Variants in ZFYVE26 observed in about 807,000 individuals in gnomAD.
ZFYVE26 encodes the protein zinc finger FYVE domain-containing protein 26.
Under a neutral mutation model 276.5 loss-of-function variants are expected in ZFYVE26, and 181 were observed. That is an observed-to-expected ratio of 0.65 (90% CI 0.58 to 0.74). The LOEUF (loss-of-function observed/expected upper bound fraction) is 0.74, where lower values mean the gene tolerates loss of function less well. Among genes scored for constraint, ZFYVE26 ranks in the 30% least tolerant of loss-of-function variants. The pLI, the probability that ZFYVE26 is intolerant of heterozygous loss-of-function variation, is 0.00. For missense variants in ZFYVE26, 2,821 were observed against 3,097.9 expected (o/e 0.91, Z 2.12); for synonymous variants, 1,129 against 1,203.1 (o/e 0.94, Z 1.27).
chr14:67,783,098 C>G lies in ZFYVE26; in HGVS notation c.4054G>C (p.Val1352Leu), dbSNP rs2039548535. 2 of 1,612,462 alleles carry G rather than the reference C, an allele frequency of 1.2e-6. No individual in the cohort carries two copies. Among genetic ancestry groups the G allele is most frequent in the Middle Eastern group, 3.3e-4 (2 of 6,054 alleles). The stretch of plus-strand genomic sequence containing the variant: ...AGAAGGCGCTCACACTCCCGGGCTA[C>G]CTGCTCTGCAGCCAGAGGCACCTCC... ...RREVPLAAEQ[V>L]ARECERLLEQ... The change falls in exon 21 of 42, where the codon GTA becomes CTA. Residue 1352 changes from valine (V) to leucine (L), a missense_variant. Coordinates refer to ENST00000347230, the MANE Select transcript of ZFYVE26 (RefSeq NM_015346.4).
chr14:67,776,049 G>A lies in ZFYVE26; in HGVS notation c.5032C>T (p.Pro1678Ser), dbSNP rs763479529. 9.9e-6 allele frequency: 16 copies of A among 1,614,246 alleles called. No individual in the cohort carries two copies. The South Asian group carries it at 1.6e-4, about 17-fold the overall frequency. ...RASYSHLSSN[P>S]LFMLEQLLMN... ...AGCAGCTGCTCCAGCATGAACAGGGGGTTAGAGGACAAGTGGGAATAGCTG... is the reference window on the plus strand; with the variant it reads ...AGCAGCTGCTCCAGCATGAACAGGGAGTTAGAGGACAAGTGGGAATAGCTG... The change falls in exon 26 of 42, where the codon CCC (proline) becomes TCC (serine). Residue 1678 changes from proline (P) to serine (S), a missense_variant. Transcript: ENST00000347230.
At chr14:67,805,751 G>A (rs574517034) in intron 6 of ZFYVE26, 133 bp from the exon 7 acceptor site, 3 of 1,068,876 alleles carry the variant, frequency 2.8e-6, no homozygotes, top group Middle Eastern at 2.1e-4. Flanking sequence ...GTGGTTGGCT[G>A]GGCGTAGTGG....
Position 67,748,227 on chromosome 14 carries a change from C to G in ZFYVE26, c.*209G>C, listed in dbSNP as rs755815597. 3.3e-6 allele frequency: 2 copies of G among 611,780 alleles called. No individual in the cohort carries two copies. Among genetic ancestry groups the G allele is most frequent in the Non-Finnish European group, 5.7e-6 (2 of 348,816 alleles). 37.9% of individuals were successfully genotyped at this position (611,780 alleles called of 1,614,324 possible). On this transcript the variant is annotated 3_prime_UTR_variant, in exon 42 of 42. Transcript: ENST00000347230. ...AACTGGCCATCTCCAGACAAACACA[C>G]ATAGATTCCACAATTTTAGAGAAAC...
Position 67,797,768 on chromosome 14 carries a change from AC to A in ZFYVE26, c.2249-14del, listed in dbSNP as rs1458003428. On this transcript the variant is annotated splice_polypyrimidine_tract_variant and intron_variant, in intron 11 of 41. Transcript: ENST00000347230. ...GAAGGTTGCTCCTCTGAAAGAGCAA[AC>A]CCAATGGGACAGAAAGGAGAGTGAT... The A allele has an allele frequency of 1.2e-6, 2 of 1,613,612 alleles. No individual in the cohort carries two copies. The highest frequency in any genetic ancestry group is 2.7e-5 in the African/African-American group (2 of 74,884).
In ZFYVE26 at chr14:67,735,237, C is replaced by G. The variant is rs1178291890; in HGVS notation, n.2680-5418G>C. ...TTCTCGTGGTGTTCAGGTGCTCCCACGAGACACAGCCTCCCTCAGCACTAC... is the reference window on the plus strand; with the variant it reads ...TTCTCGTGGTGTTCAGGTGCTCCCAGGAGACACAGCCTCCCTCAGCACTAC... On this transcript the variant is annotated intron_variant and non_coding_transcript_variant, in intron 13 of 14. Coordinates refer to the ZFYVE26 transcript ENST00000394455. The G allele has an allele frequency of 1.5e-5, 21 of 1,395,002 alleles. 1 individual carries two copies. Among genetic ancestry groups the G allele is most frequent in the Non-Finnish European group, 2.1e-5 (21 of 981,944 alleles). 86.4% of individuals were successfully genotyped at this position (1,395,002 alleles called of 1,614,324 possible).
Position 67,793,714 on chromosome 14 carries a change from C to G in ZFYVE26, c.2447G>C (p.Arg816Thr). The G allele has an allele frequency of 6.2e-7, 1 of 1,613,892 alleles. No homozygotes were observed. The highest frequency in any genetic ancestry group is 8.5e-7 in the Non-Finnish European group (1 of 1,179,890). ...TGAACTTTGAGGATGGGGGTGCAAT[C>G]TACTGTGCAGCTCATTCCGGCCAGA... ...AMSGRNELHS[R>T]LHPHPQSSLI... Residue 816 changes from arginine (R) to threonine (T), a missense_variant, in exon 14 of 42, where the codon AGA (arginine) becomes ACA (threonine). Coordinates refer to ENST00000347230, the MANE Select transcript of ZFYVE26 (RefSeq NM_015346.4).
At position 67,814,520 on chromosome 14, in the gene ZFYVE26, A is replaced by AAAACAAACAAAC. The variant is rs201267729; in HGVS notation, c.195-468_195-457dup. Among the ~76,000 whole-genome samples the AAAACAAACAAAC allele has an allele frequency of 9.2e-3, 1,389 of 151,114 alleles. 8 individuals carry two copies. Among genetic ancestry groups the AAAACAAACAAAC allele is most frequent in the Middle Eastern group, 0.014 (4 of 294 alleles). ...GGTGACAGAGCAAGACTCTGTCTCCAAAACAAACAAACAAACAAACAAACA... is the reference window on the plus strand; with the variant it reads ...GGTGACAGAGCAAGACTCTGTCTCCAAAACAAACAAACAAACAAACAAACAAACAAACAAACA... On this transcript the variant is annotated intron_variant, in intron 2 of 41. Coordinates refer to ENST00000347230, the MANE Select transcript of ZFYVE26 (RefSeq NM_015346.4).
chr14:67,767,830 G>A lies in ZFYVE26; in HGVS notation c.5664C>T (p.Ser1888=), dbSNP rs2140201479. The A allele has an allele frequency of 1.2e-6, 2 of 1,614,154 alleles. No individual in the cohort carries two copies. Among genetic ancestry groups the A allele is most frequent in the Non-Finnish European group, 1.7e-6 (2 of 1,180,020 alleles). ...EPSEKPEALD[S]SKNESPPYSF... ...AGTATGGAGGGCTTTCATTCTTGGA[G>A]CTGTCTAGAGCTGAGAAGAGAAATG... is the stretch of plus-strand genomic sequence containing the variant. Residue 1888 remains serine (S), a synonymous_variant, in exon 31 of 42, where the codon AGC becomes AGT. Transcript: ENST00000347230.
At chr14:67,751,316 C>T in intron 40 of ZFYVE26, 1 of 613,722 alleles carries the variant, frequency 1.6e-6, no homozygotes. Context: ...GGAATTTTAA[C>T]CTGCTTCATT....
At chr14:67,769,927 G>T in intron 28 of ZFYVE26, 197 bp from the exon 29 acceptor site, 1 of 695,488 alleles carries the variant, frequency 1.4e-6, no homozygotes, top group Non-Finnish European at 2.4e-6. Flanking sequence ...CAGCTGATGG[G>T]CAAAGGTGCG....
chr14:67,799,424 G>C (rs2040033797), intron 10 of ZFYVE26: 2 of 1,612,578 alleles, frequency 1.2e-6, no homozygotes, highest in Admixed American at 3.3e-5. Context: ...GGCCAAAGAA[G>C]CAGAAACGAG....
rs1352014313 is a variant in ZFYVE26, at chr14:67,746,813, C to T, written c.*1623G>A. 1.3e-5 allele frequency: 2 copies of T among 152,556 alleles called. No individual in the cohort carries two copies. The highest frequency in any genetic ancestry group is 2.1e-4 in the South Asian group (1 of 4,826). 9.5% of individuals were successfully genotyped at this position (152,556 alleles called of 1,614,324 possible). A position where few individuals can be genotyped will look rare whatever the true frequency, so the allele number is the denominator to read the frequency against. On this transcript the variant is annotated 3_prime_UTR_variant, in exon 42 of 42. Transcript: ENST00000347230. ...TGCAAAAAAGGCAGACTCAGAAGGGCAAGCAGACGCCAGAGAAGGACATTT... is the reference window on the plus strand; with the variant it reads ...TGCAAAAAAGGCAGACTCAGAAGGGTAAGCAGACGCCAGAGAAGGACATTT...
Position 67,798,437 on chromosome 14 carries a change from T to C in ZFYVE26, c.1825A>G (p.Ser609Gly). The C allele has an allele frequency of 6.2e-7, 1 of 1,614,012 alleles. No homozygotes were observed. The highest frequency in any genetic ancestry group is 2.2e-5 in the East Asian group (1 of 44,874). ...YAEDDDIEGK[S>G]PSGLRSPSES... The stretch of plus-strand genomic sequence containing the variant: ...GATGGGGACCTCAAACCTGAGGGGC[T>C]CTTCCCCTCAATGTCATCATCCTCA... The change falls in exon 11 of 42, where the codon AGC becomes GGC. Residue 609 changes from serine (S) to glycine (G), a missense_variant. Ser to Gly is a moderately conservative substitution (Grantham distance 56, BLOSUM62 0). Transcript: ENST00000347230.
chr14:67,785,795 A>T, intron 18 of ZFYVE26, 63 bp downstream of exon 18: 1 of 1,609,412 alleles, frequency 6.2e-7, no homozygotes, highest in Non-Finnish European at 8.5e-7. Flanking sequence ...GTGCTTCGTT[A>T]CTCTCAGCTG....
At chr14:67,808,613 T>C (rs975462705) in intron 4 of ZFYVE26, among the ~76,000 whole-genome samples, 1 of 152,010 alleles carries the variant, frequency 6.6e-6, no homozygotes, top group Non-Finnish European at 1.5e-5. Flanking sequence ...ATCATGCCTA[T>C]AGATGGTACT....
intron 27 of ZFYVE26, 84 bp downstream of exon 27, chr14:67,774,930 GCA>G (rs2039300672): frequency 4.3e-6 from 3 of 704,796 alleles, no homozygotes; most frequent in South Asian, 3.4e-5. Context: ...AAAAAAAGAA[GCA>G]AAAAAAAAAA....
rs973401484 is a variant in ZFYVE26, at chr14:67,747,157, A to C, written c.*1279T>G. 6.6e-6 allele frequency: 1 copy of C among 152,578 alleles called. No individual in the cohort carries two copies. The allele number at this position is 152,578 out of a possible 1,614,324, so 9.5% of individuals were successfully genotyped here. A position where few individuals can be genotyped will look rare whatever the true frequency, so the allele number is the denominator to read the frequency against. ...GCTTTCTTTAGGCCCCACATTTGCA[A>C]ATTGAAGTCACTGAGTATGACACAC... On this transcript the variant is annotated 3_prime_UTR_variant, in exon 42 of 42. Transcript: ENST00000347230.
At position 67,733,767 on chromosome 14, in the gene ZFYVE26, G is replaced by A. The variant is rs2140162517; in HGVS notation, n.2680-3948C>T. 1 of 1,613,294 alleles carries A rather than the reference G, an allele frequency of 6.2e-7. No individual in the cohort carries two copies. Among genetic ancestry groups the A allele is most frequent in the Non-Finnish European group, 8.5e-7 (1 of 1,179,440 alleles). On this transcript the variant is annotated intron_variant and non_coding_transcript_variant, in intron 13 of 14. Transcript: ENST00000394455. The stretch of plus-strand genomic sequence containing the variant: ...CCAGTGACTGCAAGAGGACCTGGGT[G>A]TCTCCAAGGGCCCGAAATAACAAAA...
Position 67,783,518 on chromosome 14 carries a change from C to A in ZFYVE26, c.3634G>T (p.Ala1212Ser). Residue 1212 changes from alanine to serine, a missense_variant, in exon 21 of 42, where the codon GCC (alanine) becomes TCC (serine). Ala to Ser is a moderately conservative substitution (Grantham distance 99, BLOSUM62 1). Coordinates refer to ENST00000347230, the MANE Select transcript of ZFYVE26 (RefSeq NM_015346.4). ...CTGAGATTCTCTTGGGCCAGAAGGGCTGCCAGTCTGGAAGGAGAGAAGCAG... is the reference window on the plus strand; with the variant it reads ...CTGAGATTCTCTTGGGCCAGAAGGGATGCCAGTCTGGAAGGAGAGAAGCAG... Reference protein sequence around the residue: ...ERQVPPERLAALLAQENLSLS... With the variant: ...ERQVPPERLASLLAQENLSLS... 1 of 1,612,760 alleles carries A rather than the reference C, an allele frequency of 6.2e-7. No individual in the cohort carries two copies. Among genetic ancestry groups the A allele is most frequent in the Non-Finnish European group, 8.5e-7 (1 of 1,180,008 alleles).
Sources: gnomAD v4.1 joint callset for allele counts (sites outside exome capture counted in the v4.1 genomes callset) on GRCh38, gnomAD v4.1.1 for gene constraint, MANE v1.5 for transcripts, NCBI Gene and HGNC (gene_info 2026-07-23, HGNC 2026-07-21) for gene names.